CALN1: variants seen among roughly 807,000 people sequenced by gnomAD.
CALN1 encodes the protein calneuron 1, also known as calcium-binding protein 8.
In CALN1, 17 loss-of-function variants were observed where a neutral mutation model predicts 30.6. The ratio of observed to expected loss-of-function variants is 0.56; its 90% confidence interval spans 0.38 to 0.83. The LOEUF is 0.83. Among genes scored for constraint, CALN1 ranks in the 40% least tolerant of loss-of-function variants. The pLI, the probability that CALN1 is intolerant of heterozygous loss-of-function variation, is 0.00. For missense variants in CALN1, 291 were observed against 354.9 expected, an observed-to-expected ratio of 0.82 and a Z score of 1.45; for synonymous variants, 156 against 131.4, an observed-to-expected ratio of 1.19 and a Z score of -1.28.
intron 4 of CALN1, among the ~76,000 whole-genome samples, chr7:72,042,373 T>C (rs1183362286): frequency 1.3e-5 from 2 of 152,306 alleles, no homozygotes; most frequent in South Asian, 2.1e-4. Flanking sequence ...GGGCAAAATC[T>C]AGAGGAAACC....
chr7:72,022,043 T>G (rs915094434), intron 5 of CALN1, among the ~76,000 whole-genome samples: 3 of 152,204 alleles, frequency 2.0e-5, no homozygotes, highest in South Asian at 4.1e-4. Flanking sequence ...TTAGTCATGG[T>G]CAATGACTTC....
At chr7:72,398,326 A>ATTC (rs750769435) in intron 2 of CALN1, among the ~76,000 whole-genome samples, 2 of 152,154 alleles carry the variant, frequency 1.3e-5, no homozygotes, top group Non-Finnish European at 2.9e-5. Context: ...CTAGAGAGAA[A>ATTC]AGTTCCCTTT....
At chr7:71,804,210 A>G (rs935443857) in intron 6 of CALN1, among the ~76,000 whole-genome samples, 1 of 152,180 alleles carries the variant, frequency 6.6e-6, no homozygotes, top group Admixed American at 6.6e-5. Context: ...GAAAAATAGA[A>G]TCATTGCTAT....
intron 2 of CALN1, among the ~76,000 whole-genome samples, chr7:72,401,213 G>C (rs1806315429): frequency 6.6e-6 from 1 of 152,166 alleles, no homozygotes; most frequent in Admixed American, 6.5e-5. Context: ...CCCAACCAAA[G>C]AACTGAAGGG....
At chr7:71,924,625 G>T (rs1160912292) in intron 5 of CALN1, among the ~76,000 whole-genome samples, 1 of 151,532 alleles carries the variant, frequency 6.6e-6, no homozygotes, top group Non-Finnish European at 1.5e-5. Flanking sequence ...ACCTTAATCT[G>T]TTTTTCTCTG....
At chr7:71,790,921 C>T (rs976609296) in intron 6 of CALN1, among the ~76,000 whole-genome samples, 10 of 152,038 alleles carry the variant, frequency 6.6e-5, no homozygotes, top group African/African-American at 2.4e-4. Flanking sequence ...GAAGATGGCT[C>T]TTTACATTCA....
intron 3 of CALN1, among the ~76,000 whole-genome samples, chr7:72,157,233 T>C (rs1787761656): frequency 1.3e-5 from 2 of 152,206 alleles, no homozygotes; most frequent in South Asian, 4.1e-4. Context: ...TGCCAAGTAC[T>C]GCACACAACA....
intron 5 of CALN1, among the ~76,000 whole-genome samples, chr7:71,874,279 TAAAAA>T (rs57423286): frequency 8.9e-4 from 87 of 97,630 alleles, no homozygotes; most frequent in East Asian, 2.5e-3. Flanking sequence ...TCTCAAACAT[TAAAAA>T]AAAAAAAAAA....
chr7:72,382,519 T>C (rs181836570), intron 2 of CALN1, among the ~76,000 whole-genome samples: 1 of 152,190 alleles, frequency 6.6e-6, no homozygotes, highest in African/African-American at 2.4e-5. Context: ...CATGGGTATA[T>C]TGTGTAATGC....
intron 2 of CALN1, among the ~76,000 whole-genome samples, chr7:72,302,808 T>C (rs1158454902): frequency 2.7e-5 from 4 of 147,452 alleles, no homozygotes; most frequent in East Asian, 4.0e-4. Flanking sequence ...GGCACGAGAA[T>C]TGCTTGAGCC....
At chr7:72,366,057 T>G (rs1231827293) in intron 2 of CALN1, among the ~76,000 whole-genome samples, 2 of 152,196 alleles carry the variant, frequency 1.3e-5, no homozygotes, top group African/African-American at 4.8e-5. Flanking sequence ...AAAGCATTGC[T>G]CATATTATGA....
intron 5 of CALN1, among the ~76,000 whole-genome samples, chr7:71,863,123 A>G (rs1309180749): frequency 6.6e-6 from 1 of 151,696 alleles, no homozygotes; most frequent in African/African-American, 2.4e-5. Context: ...AGCCAGGCAT[A>G]GTGGTAAACA....
At chr7:71,929,090 T>A (rs1235295173) in intron 5 of CALN1, among the ~76,000 whole-genome samples, 4 of 152,196 alleles carry the variant, frequency 2.6e-5, no homozygotes, top group Non-Finnish European at 5.9e-5. Context: ...ATTCACATTG[T>A]AGCATGTAAC....
chr7:71,935,996 G>A (rs1228433709), intron 5 of CALN1, among the ~76,000 whole-genome samples: 3 of 152,128 alleles, frequency 2.0e-5, no homozygotes, highest in African/African-American at 7.2e-5. Flanking sequence ...AGACTCCCAG[G>A]TGTCCTGGGT....
At chr7:72,244,188 C>T (rs1004215136) in intron 3 of CALN1, among the ~76,000 whole-genome samples, 2 of 152,162 alleles carry the variant, frequency 1.3e-5, no homozygotes, top group Non-Finnish European at 2.9e-5. Context: ...TGATTTTAGG[C>T]ACAGAGACTT....
chr7:72,282,342 A>T (rs1473601550), intron 2 of CALN1, among the ~76,000 whole-genome samples: 1 of 152,240 alleles, frequency 6.6e-6, no homozygotes, highest in Non-Finnish European at 1.5e-5. Flanking sequence ...GACTGTCATG[A>T]AAACAATCTT....
intron 4 of CALN1, among the ~76,000 whole-genome samples, chr7:72,051,188 T>C (rs1584831894): frequency 1.3e-5 from 2 of 151,892 alleles, no homozygotes; most frequent in South Asian, 4.2e-4. Flanking sequence ...ATGCATTGTA[T>C]CAAAAAGAGA....
At chr7:72,396,885 T>C (rs1279974487) in intron 2 of CALN1, among the ~76,000 whole-genome samples, 3 of 152,120 alleles carry the variant, frequency 2.0e-5, no homozygotes, top group African/African-American at 2.4e-5. Context: ...CATATCCTTG[T>C]AGAATCTTTT....
chr7:72,251,616 G>C (rs1034972470), intron 3 of CALN1, among the ~76,000 whole-genome samples: 4 of 152,058 alleles, frequency 2.6e-5, no homozygotes, highest in African/African-American at 7.2e-5. Flanking sequence ...GTCCAGGCTA[G>C]TCTCAAACTT....
Sources: gnomAD v4.1 joint callset for allele counts (sites outside exome capture counted in the v4.1 genomes callset) on GRCh38, gnomAD v4.1.1 for gene constraint, MANE v1.5 for transcripts, NCBI Gene and HGNC (gene_info 2026-07-23, HGNC 2026-07-21) for gene names.